SNPH: variants seen among roughly 807,000 people sequenced by gnomAD.
SNPH encodes the protein syntaphilin.
A neutral mutation model predicts 36.8 loss-of-function variants in SNPH; 10 were observed. The observed-to-expected ratio is 0.27, with a 90% CI of 0.17 to 0.46. The LOEUF (loss-of-function observed/expected upper bound fraction) is 0.46, where lower values mean the gene tolerates loss of function less well. Ranked by LOEUF, SNPH falls within the 20% of genes least tolerant of loss-of-function variation. The pLI, the probability that SNPH is intolerant of heterozygous loss-of-function variation, is 1.00. For missense variants in SNPH, 622 were observed against 744.0 expected, an observed-to-expected ratio of 0.84 and a Z score of 1.91; for synonymous variants, 281 against 312.2, an observed-to-expected ratio of 0.90 and a Z score of 1.05.
At position 1,274,843 on chromosome 20, in the gene SNPH, C is replaced by T. The variant is rs190590618; in HGVS notation, c.-493+8083C>T. On this transcript the variant is annotated intron_variant, in intron 2 of 6. Transcript: ENST00000381867. ...TAAATCCTGGGTCCTGCGTCTTTCC[C>T]AAAGCCTCATTAGGCAGCCAGTTTG... Among the ~76,000 whole-genome samples, 90 of 152,296 alleles carry T rather than the reference C, an allele frequency of 5.9e-4. No homozygotes were observed. In the East Asian group the frequency reaches 0.013, roughly 22 times the overall value.
At chr20:1,267,376 C>G (rs1365290773) in intron 2 of SNPH, among the ~76,000 whole-genome samples, 3 of 152,324 alleles carry the variant, frequency 2.0e-5, no homozygotes, top group East Asian at 3.9e-4. Context: ...TTCCCTTCCC[C>G]AACCCTGCAG....
intron 2 of SNPH, among the ~76,000 whole-genome samples, chr20:1,271,697 A>G (rs1053717724): frequency 6.6e-6 from 1 of 152,236 alleles, no homozygotes; most frequent in Non-Finnish European, 1.5e-5. Flanking sequence ...GATAAATATA[A>G]CAAAAGGCAT....
At chr20:1,291,010 G>A (rs753313911) in intron 2 of SNPH, among the ~76,000 whole-genome samples, 24 of 152,192 alleles carry the variant, frequency 1.6e-4, no homozygotes, top group Non-Finnish European at 2.8e-4. Flanking sequence ...CATACGAGAG[G>A]AGCCTCTTCA....
intron 2 of SNPH, among the ~76,000 whole-genome samples, chr20:1,290,027 A>G (rs2088337710): frequency 6.6e-6 from 1 of 152,050 alleles, no homozygotes; most frequent in Non-Finnish European, 1.5e-5. Context: ...CCTGGCCAAT[A>G]TGGAGAAACC....
At chr20:1,277,241 C>T (rs2122260620) in intron 2 of SNPH, among the ~76,000 whole-genome samples, 1 of 152,336 alleles carries the variant, frequency 6.6e-6, no homozygotes, top group Non-Finnish European at 1.5e-5. Flanking sequence ...TACACAGAAA[C>T]ATTCTAGAAA....
chr20:1,290,102 C>T (rs1045353827), intron 2 of SNPH, among the ~76,000 whole-genome samples: 2 of 151,746 alleles, frequency 1.3e-5, no homozygotes, highest in African/African-American at 4.8e-5. Flanking sequence ...ATCCCAGCTA[C>T]TCGATAGGGT....
intron 2 of SNPH, among the ~76,000 whole-genome samples, chr20:1,273,598 T>A (rs2088096950): frequency 6.6e-6 from 1 of 152,122 alleles, no homozygotes; most frequent in South Asian, 2.1e-4. Flanking sequence ...CAGCTGCCAT[T>A]TGACTGTGTG....
chr20:1,278,106 CTGTTTGTG>C (rs1053902650), intron 2 of SNPH, among the ~76,000 whole-genome samples: 94 of 116,424 alleles, frequency 8.1e-4, no homozygotes, highest in African/African-American at 3.1e-3. Context: ...ATGTGTGTGT[CTGTTTGTG>C]TGTGTATCTG....
chr20:1,274,841 C>T (rs982229237), intron 2 of SNPH, among the ~76,000 whole-genome samples: 4 of 152,208 alleles, frequency 2.6e-5, no homozygotes, highest in African/African-American at 9.6e-5. Flanking sequence ...CTGCGTCTTT[C>T]CCAAAGCCTC....
At position 1,276,149 on chromosome 20, in the gene SNPH, C is replaced by T. The variant is rs1293934708; in HGVS notation, c.-493+9389C>T. ...GCCCTCCCTGGGTGGCACGCAGGGC[C>T]CAGATTGGAGCTGTAGACCATTTGA... is the stretch of plus-strand genomic sequence containing the variant. On this transcript the variant is annotated intron_variant, in intron 2 of 6. Coordinates refer to ENST00000381867, the MANE Select transcript of SNPH (RefSeq NM_001318234.2). The surrounding 1 kb of genome is among the most constrained non-coding windows in gnomAD (Gnocchi z 4.6). Among the ~76,000 whole-genome samples, 1 of 152,184 alleles carries T rather than the reference C, an allele frequency of 6.6e-6. No individual in the cohort carries two copies. The highest frequency in any genetic ancestry group is 1.5e-5 in the Non-Finnish European group (1 of 68,034).
intron 2 of SNPH, among the ~76,000 whole-genome samples, chr20:1,291,648 CTGCTCTGT>C (rs1301283215): frequency 2.8e-5 from 2 of 72,470 alleles, no homozygotes; most frequent in Non-Finnish European, 7.8e-5. Flanking sequence ...CTCCCAAGTT[CTGCTCTGT>C]TGATTGCAAT....
rs1401182852 is a variant in SNPH, at chr20:1,276,935, C to T, written c.-493+10175C>T. Among the ~76,000 whole-genome samples the T allele has an allele frequency of 6.6e-6, 1 of 152,114 alleles. No homozygotes were observed. The highest frequency in any genetic ancestry group is 2.4e-5 in the African/African-American group (1 of 41,414). ...ATCTCGTTGGTCAATTATTAGAAAT[C>T]AGTTGGGGTTCGGCTTGGATGTCTG... On this transcript the variant is annotated intron_variant, in intron 2 of 6. Transcript: ENST00000381867. This position sits in a 1 kb window ranked among gnomAD's most constrained non-coding sequence, Gnocchi z 4.6.
Position 1,294,920 on chromosome 20 carries a change from A to G in SNPH, c.-492-31A>G, listed in dbSNP as rs1156813991. Reference sequence around the variant, plus strand: ...TCGGTGGCTCGATTCCTCATCTGTAAAAGGGGACTAATCACAGCACTTCCT... The same window carrying G: ...TCGGTGGCTCGATTCCTCATCTGTAGAAGGGGACTAATCACAGCACTTCCT... On this transcript the variant is annotated intron_variant, in intron 2 of 6. Transcript: ENST00000381867. The surrounding 1 kb of genome is among the most constrained non-coding windows in gnomAD (Gnocchi z 4.4). The G allele has an allele frequency of 1.3e-5, 2 of 152,500 alleles. No homozygotes were observed. Among genetic ancestry groups the G allele is most frequent in the East Asian group, 3.9e-4 (2 of 5,172 alleles). 9.4% of individuals were successfully genotyped at this position (152,500 alleles called of 1,614,324 possible). A position where few individuals can be genotyped will look rare whatever the true frequency, so the allele number is the denominator to read the frequency against.
chr20:1,305,859 G>A lies in SNPH; in HGVS notation c.1422G>A (p.Leu474=), dbSNP rs1465087116. The A allele has an allele frequency of 3.1e-6, 5 of 1,594,238 alleles. No homozygotes were observed. Among genetic ancestry groups the A allele is most frequent in the Non-Finnish European group, 3.4e-6 (4 of 1,171,172 alleles). The stretch of plus-strand genomic sequence containing the variant: ...GCCGCCACTACATCGTGGATCTGCT[G>A]GCTGTGGTGGTGCCGGCCGTGCCCA... ...YWSRHYIVDL[L]AVVVPAVPTV... The change falls in exon 7 of 7, where the codon CTG becomes CTA. Residue 474 remains leucine, a synonymous_variant. Transcript: ENST00000381867.
Position 1,304,583 on chromosome 20 carries a change from G to A in SNPH, c.441-295G>A, listed in dbSNP as rs566507418. Among the ~76,000 whole-genome samples the A allele has an allele frequency of 4.6e-5, 7 of 151,506 alleles. No individual in the cohort carries two copies. Among genetic ancestry groups the A allele is most frequent in the East Asian group, 1.9e-4 (1 of 5,182 alleles). Reference sequence around the variant, plus strand: ...ATGGATTTGAATGTTGAGAGTTGTCGGCATTCTGGGGGTGGTGGGGTGGGG... The same window carrying A: ...ATGGATTTGAATGTTGAGAGTTGTCAGCATTCTGGGGGTGGTGGGGTGGGG... On this transcript the variant is annotated intron_variant, in intron 6 of 6. Coordinates refer to ENST00000381867, the MANE Select transcript of SNPH (RefSeq NM_001318234.2). The surrounding 1 kb of genome is among the most constrained non-coding windows in gnomAD (Gnocchi z 4.3).
chr20:1,267,481 A>G (rs1800476757), intron 2 of SNPH, among the ~76,000 whole-genome samples: 2 of 152,186 alleles, frequency 1.3e-5, no homozygotes. Context: ...TCTTAGAAAA[A>G]GGTGATCTCT....
At chr20:1,287,749 C>T (rs1299196495) in intron 2 of SNPH, among the ~76,000 whole-genome samples, 1 of 152,184 alleles carries the variant, frequency 6.6e-6, no homozygotes, top group African/African-American at 2.4e-5. Context: ...GGATGGAAGT[C>T]TCACCATTTT....
intron 2 of SNPH, among the ~76,000 whole-genome samples, chr20:1,269,722 G>T (rs1358503153): frequency 6.6e-6 from 1 of 152,236 alleles, no homozygotes; most frequent in African/African-American, 2.4e-5. Flanking sequence ...CTTTGCTGAT[G>T]TTTGGTGGAT....
At position 1,305,126 on chromosome 20, in the gene SNPH, T is replaced by C; in HGVS notation, c.689T>C (p.Val230Ala). The change falls in exon 7 of 7, where the codon GTG becomes GCG. Residue 230 changes from valine to alanine, a missense_variant. By Grantham distance (64) the Val-to-Ala change is moderately conservative. Around this residue, in one of 3 missense-constraint regions of SNPH, gnomAD observed 379 missense variants for 427.9 expected, o/e 0.89. Transcript: ENST00000381867. ...GAGACGCTGCTGCACAGCATGGAGG[T>C]GGCCCAGAATGGCATGGCCAAGGAG... ...KLETLLHSME[V>A]AQNGMAKEDG... is the part of the protein sequence containing the mutation. 2 of 1,613,610 alleles carry C rather than the reference T, an allele frequency of 1.2e-6. No homozygotes were observed. Among genetic ancestry groups the C allele is most frequent in the Non-Finnish European group, 1.7e-6 (2 of 1,179,986 alleles).
Sources: gnomAD v4.1 joint callset for allele counts (sites outside exome capture counted in the v4.1 genomes callset) on GRCh38, gnomAD v4.1.1 for gene constraint, gnomAD v4.1.1 regional missense constraint, Gnocchi (gnomAD v3.1) non-coding constraint, MANE v1.5 for transcripts, NCBI Gene and HGNC (gene_info 2026-07-23, HGNC 2026-07-21) for gene names.